KAZN: variants seen among roughly 807,000 people sequenced by gnomAD.
KAZN encodes kazrin, periplakin interacting protein.
In KAZN, 40 loss-of-function variants were observed where a neutral mutation model predicts 87.4. The ratio of observed to expected loss-of-function variants is 0.46; its 90% CI spans 0.36 to 0.60. The LOEUF (loss-of-function observed/expected upper bound fraction) is 0.60, where lower values mean the gene tolerates loss of function less well. Among genes scored for constraint, KAZN ranks in the 20% least tolerant of loss-of-function variants. The pLI is 0.00. For synonymous variants in KAZN, 466 were observed against 458.3 expected (o/e 1.02, Z -0.22); for missense variants, 898 against 1,073.9 (o/e 0.84, Z 2.29).
chr1:13,980,069 C>A (rs1250290001), intron 1 of KAZN, among the ~76,000 whole-genome samples: 6 of 152,014 alleles, frequency 3.9e-5, no homozygotes, highest in Middle Eastern at 3.4e-3. Flanking sequence ...GTGTCAATGT[C>A]CTAATTTAGG....
At chr1:14,964,595 G>T (rs1161556962) in intron 2 of KAZN, among the ~76,000 whole-genome samples, 25 of 152,222 alleles carry the variant, frequency 1.6e-4, no homozygotes, top group Non-Finnish European at 2.9e-5. Flanking sequence ...GGCAGAAGGA[G>T]TCCAGGGCAT....
At chr1:14,132,174 T>C (rs937602374) in intron 1 of KAZN, among the ~76,000 whole-genome samples, 1 of 152,158 alleles carries the variant, frequency 6.6e-6, no homozygotes, top group Non-Finnish European at 1.5e-5. Context: ...GGACAAGATG[T>C]GATGGCTCAT....
chr1:14,808,998 C>A (rs1175143906), intron 1 of KAZN, among the ~76,000 whole-genome samples: 1 of 152,140 alleles, frequency 6.6e-6, no homozygotes, highest in Non-Finnish European at 1.5e-5. Context: ...ACAACAACAA[C>A]AAAAAGAGTT....
chr1:14,458,737 A>C (rs1390606458), intron 2 of KAZN, among the ~76,000 whole-genome samples: 1 of 152,186 alleles, frequency 6.6e-6, no homozygotes, highest in Non-Finnish European at 1.5e-5. Context: ...AGTGGCAGAC[A>C]CTTCATTTAA....
intron 1 of KAZN, among the ~76,000 whole-genome samples, chr1:14,932,980 C>T (rs12563724): frequency 0.13 from 19,114 of 152,184 alleles, 1,588 homozygotes; most frequent in East Asian, 0.37. Context: ...AACTCTCCAT[C>T]CCTCTCCCCA....
intron 2 of KAZN, among the ~76,000 whole-genome samples, chr1:14,320,512 AC>A (rs1336980770): frequency 6.6e-6 from 1 of 151,700 alleles, no homozygotes; most frequent in East Asian, 1.9e-4. Flanking sequence ...CACACCTGCA[AC>A]CCCCCATTGC....
chr1:14,211,644 A>C (rs1002679375), intron 2 of KAZN, among the ~76,000 whole-genome samples: 3 of 152,076 alleles, frequency 2.0e-5, no homozygotes, highest in Non-Finnish European at 4.4e-5. Flanking sequence ...GGCTTGAGAG[A>C]GCTGATTAAT....
intron 1 of KAZN, among the ~76,000 whole-genome samples, chr1:13,907,927 A>G (rs142776769): frequency 6.6e-6 from 1 of 152,340 alleles, no homozygotes; most frequent in East Asian, 1.9e-4. Flanking sequence ...CTTGTCCTAA[A>G]CAAGAGCTGA....
chr1:14,860,625 T>C (rs1017715517), intron 1 of KAZN, among the ~76,000 whole-genome samples: 8 of 152,246 alleles, frequency 5.3e-5, no homozygotes, highest in African/African-American at 1.9e-4. Flanking sequence ...TCTGTACATA[T>C]TCCAGGGACA....
intron 1 of KAZN, among the ~76,000 whole-genome samples, chr1:14,718,239 G>A (rs537872800): frequency 3.9e-5 from 6 of 152,304 alleles, no homozygotes; most frequent in African/African-American, 1.2e-4. Context: ...GCTCATTTCC[G>A]TTAAGTGCCC....
chr1:14,550,703 T>TTCTCTCTCTCTCTCTCTC (rs150591627), intron 2 of KAZN, among the ~76,000 whole-genome samples: 3 of 38,638 alleles, frequency 7.8e-5, no homozygotes, highest in Admixed American at 3.8e-4. Context: ...CTCTCCTCTT[T>TTCTCTCTCTCTCTCTCTC]TCTCTCTCTC....
chr1:14,924,273 C>A, intron 1 of KAZN: 4 of 982,740 alleles, frequency 4.1e-6, no homozygotes, highest in South Asian at 4.6e-5. Flanking sequence ...GGCTGCGCCC[C>A]GATGCGGCGG....
chr1:14,587,233 C>T (rs1397070250), intron 2 of KAZN, among the ~76,000 whole-genome samples: 3 of 151,914 alleles, frequency 2.0e-5, no homozygotes, highest in Admixed American at 6.6e-5. Context: ...ATCAGGAGTT[C>T]GAGACCTGCC....
intron 2 of KAZN, among the ~76,000 whole-genome samples, chr1:14,463,920 A>C (rs923108275): frequency 6.6e-6 from 1 of 152,188 alleles, no homozygotes; most frequent in Non-Finnish European, 1.5e-5. Context: ...CACAGGCTGC[A>C]GTTCTGTTAA....
rs368757371 is a variant in KAZN, at chr1:14,756,420, TC to T, written c.226+157200del. Among the ~76,000 whole-genome samples the T allele has an allele frequency of 8.5e-5, 13 of 152,318 alleles. No homozygotes were observed. In the East Asian group the frequency reaches 2.1e-3, roughly 25 times the overall value. On this transcript the variant is annotated intron_variant, in intron 1 of 14. Transcript: ENST00000376030. ...AATGGCATTTGTCTGATACCGGGTG[TC>T]CCTGCAAATGTGATTGTCACTCCAG...
At chr1:14,984,321 G>A (rs1011729560) in intron 2 of KAZN, among the ~76,000 whole-genome samples, 1 of 151,960 alleles carries the variant, frequency 6.6e-6, no homozygotes, top group African/African-American at 2.4e-5. Flanking sequence ...AGGTTGCAGT[G>A]AGCTGAGATC....
chr1:15,044,258 G>T (rs1673236088), intron 4 of KAZN, 99 bp downstream of exon 4: 1 of 1,079,312 alleles, frequency 9.3e-7, no homozygotes, highest in Non-Finnish European at 1.3e-6. Flanking sequence ...GACCTAGGGT[G>T]GGGTGGGTGG....
At chr1:14,574,554 C>T (rs191103388) in intron 2 of KAZN, among the ~76,000 whole-genome samples, 33 of 152,294 alleles carry the variant, frequency 2.2e-4, no homozygotes, top group Admixed American at 3.3e-4. Flanking sequence ...GTAAGACATG[C>T]CTTTCATCTT....
At chr1:14,601,869 C>T (rs142475098) in intron 1 of KAZN, among the ~76,000 whole-genome samples, 73 of 152,250 alleles carry the variant, frequency 4.8e-4, no homozygotes, top group Middle Eastern at 3.4e-3. Context: ...CATCTTTTAA[C>T]GAAAGGGCAT....
Sources: allele counts gnomAD v4.1 joint callset (sites outside exome capture counted in the v4.1 genomes callset), GRCh38; gene constraint gnomAD v4.1.1; transcripts MANE v1.5; gene names NCBI Gene and HGNC (gene_info 2026-07-23, HGNC 2026-07-21).